Variants in AK5 observed in about 807,000 individuals in gnomAD.
AK5 encodes adenylate kinase 5.
In AK5, 27 loss-of-function variants were observed where a neutral mutation model predicts 69.5. The ratio of observed to expected loss-of-function variants is 0.39; its 90% CI spans 0.29 to 0.54. The LOEUF is 0.54. Ranked by LOEUF, AK5 falls within the 20% of genes least tolerant of loss-of-function variation. The probability of loss-of-function intolerance (pLI) is 0.71; values close to 1 mark genes in which losing one functional copy is unlikely to be tolerated. For synonymous variants in AK5, 260 were observed against 244.4 expected (o/e 1.06, Z -0.60); for missense variants, 531 against 700.4 (o/e 0.76, Z 2.73).
chr1:77,447,391 A>C (rs1652818561), intron 8 of AK5, among the ~76,000 whole-genome samples: 1 of 152,266 alleles, frequency 6.6e-6, no homozygotes, highest in South Asian at 2.1e-4. Flanking sequence ...ATAAAAGTGA[A>C]TGCCTCATCA....
chr1:77,366,921 G>A (rs1646958905), intron 6 of AK5, among the ~76,000 whole-genome samples: 1 of 28,922 alleles, frequency 3.5e-5, no homozygotes, highest in Admixed American at 4.2e-4. Flanking sequence ...TAAAATAAAG[G>A]TTTTTATATT....
intron 7 of AK5, among the ~76,000 whole-genome samples, chr1:77,412,119 T>G (rs1376365404): frequency 2.6e-5 from 4 of 152,190 alleles, no homozygotes; most frequent in Admixed American, 2.6e-4. Flanking sequence ...CTGCTAGATA[T>G]CCTCAGTTTG....
intron 13 of AK5, 124 bp from the exon 14 acceptor site, chr1:77,558,478 G>GGA (rs370004356): frequency 2.4e-5 from 11 of 467,230 alleles, no homozygotes; most frequent in Admixed American, 2.3e-4. Context: ...TCTGTGTTTT[G>GGA]GGGGGGGTCT....
At chr1:77,414,455 T>A (rs143810994) in intron 7 of AK5, among the ~76,000 whole-genome samples, 106 of 152,248 alleles carry the variant, frequency 7.0e-4, no homozygotes, top group African/African-American at 2.4e-3. Flanking sequence ...AAAGATCCAC[T>A]AGGAGGAAAA....
intron 5 of AK5, among the ~76,000 whole-genome samples, chr1:77,298,498 T>G (rs1189948664): frequency 2.0e-5 from 3 of 151,516 alleles, no homozygotes; most frequent in African/African-American, 7.3e-5. Context: ...TTATGTTAAT[T>G]GATTTTTCAT....
intron 8 of AK5, among the ~76,000 whole-genome samples, chr1:77,471,527 C>G (rs1281485083): frequency 6.6e-6 from 1 of 152,158 alleles, no homozygotes. Flanking sequence ...TAGTACTGAC[C>G]TTTATTAAAC....
chr1:77,374,010 C>T (rs1401002986), intron 6 of AK5, among the ~76,000 whole-genome samples: 3 of 152,112 alleles, frequency 2.0e-5, no homozygotes, highest in Non-Finnish European at 4.4e-5. Flanking sequence ...CCATAAAATA[C>T]ATATATAGAG....
rs1647021446 is a variant in AK5, at chr1:77,367,863, T to TATGTTATATATATTATATATAAC, written c.891+27297_891+27298insGTTATATATATTATATATAACAT. 2.0e-3 allele frequency among the ~76,000 whole-genome samples: 9 copies of TATGTTATATATATTATATATAAC among 4,500 alleles called. 1 individual carries two copies. Among genetic ancestry groups the TATGTTATATATATTATATATAAC allele is most frequent in the Middle Eastern group, 0.12 (2 of 16 alleles). 3.0% of individuals were successfully genotyped at this position (4,500 alleles called of 152,430 possible). ...TATATATATTATATATAATATATAA[T>TATGTTATATATATTATATATAAC]ATATGTGATATATAATATAAAATAT... On this transcript the variant is annotated intron_variant, in intron 6 of 13. Transcript: ENST00000354567.
At chr1:77,418,583 A>G (rs1043559816) in intron 8 of AK5, among the ~76,000 whole-genome samples, 2 of 152,106 alleles carry the variant, frequency 1.3e-5, no homozygotes, top group Non-Finnish European at 2.9e-5. Flanking sequence ...CTCTGCTGCT[A>G]TATTTTAATG....
At chr1:77,470,854 TA>T (rs1557615685) in intron 8 of AK5, among the ~76,000 whole-genome samples, 3,926 of 31,626 alleles carry the variant, frequency 0.12, 878 homozygotes, top group Non-Finnish European at 0.15. Flanking sequence ...TATATATATA[TA>T]TATATATATA....
chr1:77,512,852 A>C (rs12732561), intron 10 of AK5, among the ~76,000 whole-genome samples: 1 of 152,218 alleles, frequency 6.6e-6, no homozygotes, highest in African/African-American at 2.4e-5. Flanking sequence ...TGATGAGTTC[A>C]TGTCCTTTGT....
chr1:77,550,673 C>A (rs1659779040), intron 13 of AK5, among the ~76,000 whole-genome samples: 2 of 152,190 alleles, frequency 1.3e-5, no homozygotes, highest in Non-Finnish European at 2.9e-5. Context: ...GGTTCTTTTC[C>A]ATTTCTTTTG....
intron 8 of AK5, among the ~76,000 whole-genome samples, chr1:77,481,430 A>G (rs912327249): frequency 2.6e-5 from 4 of 152,194 alleles, no homozygotes; most frequent in African/African-American, 9.7e-5. Context: ...ATTAATGTAA[A>G]TGTGTCCCTG....
At chr1:77,343,501 A>G (rs1557512897) in intron 6 of AK5, among the ~76,000 whole-genome samples, 2 of 152,212 alleles carry the variant, frequency 1.3e-5, no homozygotes. Flanking sequence ...GAAATGAGAG[A>G]ATATGTATAA....
At chr1:77,340,621 C>A in intron 6 of AK5, 53 bp downstream of exon 6, 1 of 1,532,156 alleles carries the variant, frequency 6.5e-7, no homozygotes, top group Non-Finnish European at 8.9e-7. Context: ...TTTCAGATTT[C>A]TCATTAGCCC....
chr1:77,554,170 A>G (rs1036877605), intron 13 of AK5, among the ~76,000 whole-genome samples: 2 of 151,902 alleles, frequency 1.3e-5, no homozygotes, highest in South Asian at 4.2e-4. Context: ...TGCCCCCATC[A>G]CCCCATGCAG....
intron 6 of AK5, among the ~76,000 whole-genome samples, chr1:77,405,129 C>T (rs753534645): frequency 1.3e-4 from 20 of 152,110 alleles, no homozygotes; most frequent in Admixed American, 5.2e-4. Context: ...GTCTCTCAGC[C>T]GTAGGGTCTC....
chr1:77,350,691 T>C (rs930605049), intron 6 of AK5, among the ~76,000 whole-genome samples: 5 of 152,076 alleles, frequency 3.3e-5, no homozygotes, highest in Admixed American at 1.3e-4. Flanking sequence ...TAAGGGAAAA[T>C]AGCACTCAAA....
At chr1:77,404,532 G>T (rs780897950) in intron 6 of AK5, among the ~76,000 whole-genome samples, 1 of 152,082 alleles carries the variant, frequency 6.6e-6, no homozygotes, top group East Asian at 1.9e-4. Flanking sequence ...AAAAATCTTT[G>T]CCAATTAAGT....
Sources: allele counts gnomAD v4.1 joint callset (sites outside exome capture counted in the v4.1 genomes callset), GRCh38; gene constraint gnomAD v4.1.1; transcripts MANE v1.5; gene names NCBI Gene and HGNC (gene_info 2026-07-23, HGNC 2026-07-21).